Variants in WDR87 observed in about 807,000 individuals in gnomAD.
The protein encoded by WDR87 is WD repeat domain 87, also known as WD repeat-containing protein 87.
Under a neutral mutation model 83.3 loss-of-function variants are expected in WDR87, and 56 were observed. The ratio of observed to expected loss-of-function variants is 0.67; its 90% confidence interval spans 0.54 to 0.84. The LOEUF (loss-of-function observed/expected upper bound fraction) is 0.84, where lower values mean the gene tolerates loss of function less well. WDR87 is among the 40% of genes least tolerant of loss of function. The pLI is 0.00. For missense variants in WDR87, 2,939 were observed against 3,431.9 expected, an observed-to-expected ratio of 0.86 and a Z score of 3.59; for synonymous variants, 1,173 against 1,250.6, an observed-to-expected ratio of 0.94 and a Z score of 1.31.
Position 37,886,281 on chromosome 19 carries a change from T to C in WDR87, c.7390A>G (p.Ile2464Val). 1 of 1,551,742 alleles carries C rather than the reference T, an allele frequency of 6.4e-7. No homozygotes were observed. The highest frequency in any genetic ancestry group is 2.4e-5 in the East Asian group (1 of 40,926). ...ATTGTCCCTAAGAATTTCCTGGGTA[T>C]TTCAACTACTGTGGCCTTTTTATCT... ...WEDKKATVVE[I>V]PRKFLGTMDK... Residue 2464 changes from isoleucine to valine, a missense_variant, in exon 6 of 6, where the codon ATA becomes GTA. By Grantham distance (29) the Ile-to-Val change is conservative. Transcript: ENST00000447313.
rs753809159 is a variant in WDR87 at position 37,886,143 on chromosome 19, A to G, written c.7528T>C (p.Leu2510=). The change falls in exon 6 of 6, where the codon TTA becomes CTA. Residue 2510 remains leucine, a synonymous_variant. Coordinates refer to ENST00000447313, the MANE Select transcript of WDR87 (RefSeq NM_001291088.2). ...DLKTPFMSHI[L]RRTVEAEELQ... ...TCCTCAGCTTCCACGGTCCTCCTTAATATGTGGGACATAAATGGGGTCTTT... is the reference window on the plus strand; with the variant it reads ...TCCTCAGCTTCCACGGTCCTCCTTAGTATGTGGGACATAAATGGGGTCTTT... 2 of 1,551,552 alleles carry G rather than the reference A, an allele frequency of 1.3e-6. No individual in the cohort carries two copies. Among genetic ancestry groups the G allele is most frequent in the Non-Finnish European group, 1.7e-6 (2 of 1,146,988 alleles).
At chr19:37,903,866 C>T (rs2046306800) in intron 1 of WDR87, among the ~76,000 whole-genome samples, 1 of 152,068 alleles carries the variant, frequency 6.6e-6, no homozygotes, top group African/African-American at 2.4e-5. Flanking sequence ...ATTCTAACGA[C>T]TTAGCTATTA....
rs1431703805 is a variant in WDR87 at position 37,887,897 on chromosome 19, T to G, written c.5774A>C (p.Lys1925Thr). 3.9e-6 allele frequency: 6 copies of G among 1,551,686 alleles called. No individual in the cohort carries two copies. Among genetic ancestry groups the G allele is most frequent in the Non-Finnish European group, 5.2e-6 (6 of 1,146,948 alleles). The change falls in exon 6 of 6, where the codon AAG becomes ACG. Residue 1925 changes from lysine (K) to threonine (T), a missense_variant. By Grantham distance (78) the Lys-to-Thr change is moderately conservative. Around this residue, in one of 3 missense-constraint regions of WDR87, gnomAD observed 2,160 missense variants for 2,533.1 expected, o/e 0.85. Transcript: ENST00000447313. ...CTTCTCCTCTACCTGAGCCAGTATC[T>G]TGTTGAACATTCCCAATTTGTTCTT... ...QVKNKLGMFNKILAQVEEKLT... is the reference protein window; with the variant it reads ...QVKNKLGMFNTILAQVEEKLT...
Position 37,888,509 on chromosome 19 carries a change from T to C in WDR87, c.5162A>G (p.Lys1721Arg). Residue 1721 changes from lysine to arginine, a missense_variant, in exon 6 of 6, where the codon AAA becomes AGA. Physicochemically the swap from Lys to Arg is conservative, Grantham distance 26. Transcript: ENST00000447313. Reference protein sequence around the residue: ...VAREEEKLAKKGGKLAEVKNI... With the variant: ...VAREEEKLAKRGGKLAEVKNI... ...TTTCACCTCAGCCAGTTTCCCTCCT[T>C]TCTTTGCTAGTTTCTCTTCTTCTCT... The C allele has an allele frequency of 6.4e-7, 1 of 1,551,746 alleles. No homozygotes were observed. The highest frequency in any genetic ancestry group is 8.7e-7 in the Non-Finnish European group (1 of 1,146,994).
Position 37,889,059 on chromosome 19 carries a change from C to T in WDR87, c.4612G>A (p.Ala1538Thr). 6.4e-7 allele frequency: 1 copy of T among 1,552,088 alleles called. No homozygotes were observed. Among genetic ancestry groups the T allele is most frequent in the Non-Finnish European group, 8.7e-7 (1 of 1,147,090 alleles). ...TCCTCCGGGGATAGCTTCTCTCCAGCCTGATGTAGTTTCTCCTCTTCCTGA... is the reference window on the plus strand; with the variant it reads ...TCCTCCGGGGATAGCTTCTCTCCAGTCTGATGTAGTTTCTCCTCTTCCTGA... Reference protein sequence around the residue: ...LLQEEEKLHQAGEKLSPEEEM... With the variant: ...LLQEEEKLHQTGEKLSPEEEM... Residue 1538 changes from alanine (A) to threonine (T), a missense_variant, in exon 6 of 6, where the codon GCT becomes ACT. Around this residue, in one of 3 missense-constraint regions of WDR87, gnomAD observed 2,160 missense variants for 2,533.1 expected, o/e 0.85. Coordinates refer to ENST00000447313, the MANE Select transcript of WDR87 (RefSeq NM_001291088.2).
chr19:37,893,956 T>G lies in WDR87; in HGVS notation c.1747A>C (p.Lys583Gln). The change falls in exon 4 of 6, where the codon AAG (lysine) becomes CAG (glutamine). Residue 583 changes from lysine (K) to glutamine (Q), a missense_variant. Physicochemically the swap from Lys to Gln is moderately conservative, Grantham distance 53. Around this residue, in one of 3 missense-constraint regions of WDR87, gnomAD observed 553 missense variants for 577.9 expected, o/e 0.96. Coordinates refer to ENST00000447313, the MANE Select transcript of WDR87 (RefSeq NM_001291088.2). ...ITETNCLRLWKFHDFLSSGSQ... is the reference protein window; with the variant it reads ...ITETNCLRLWQFHDFLSSGSQ... ...CCAGAGGACAGAAAATCATGGAACT[T>G]CCAGAGACGCAGGCAGTTTGTCTCT... 6.4e-7 allele frequency: 1 copy of G among 1,551,820 alleles called. No homozygotes were observed. Among genetic ancestry groups the G allele is most frequent in the Non-Finnish European group, 8.7e-7 (1 of 1,147,012 alleles).
chr19:37,893,408 C>G lies in WDR87; in HGVS notation c.2295G>C (p.Met765Ile). 6.4e-7 allele frequency: 1 copy of G among 1,552,182 alleles called. No homozygotes were observed. The highest frequency in any genetic ancestry group is 8.7e-7 in the Non-Finnish European group (1 of 1,147,108). The stretch of plus-strand genomic sequence containing the variant: ...CTTCCATGTCCTGCAAAGAATAATG[C>G]ATGGAGGAACGCAGTAACACTGGGC... ...EGSPVLLRSS[M>I]HYSLQDMEDW... The change falls in exon 4 of 6, where the codon ATG (methionine) becomes ATC (isoleucine). Residue 765 changes from methionine (M) to isoleucine (I), a missense_variant. This residue lies in a region of WDR87 where 2,160 missense variants were observed against 2,533.1 expected (regional missense o/e 0.85). Coordinates refer to ENST00000447313, the MANE Select transcript of WDR87 (RefSeq NM_001291088.2).
chr19:37,886,976 A>G lies in WDR87; in HGVS notation c.6695T>C (p.Leu2232Pro). 1 of 1,551,970 alleles carries G rather than the reference A, an allele frequency of 6.4e-7. No individual in the cohort carries two copies. Among genetic ancestry groups the G allele is most frequent in the Non-Finnish European group, 8.7e-7 (1 of 1,147,086 alleles). ...GIEEEEVIPF[L>P]KRRWRKRKEA... Reference sequence around the variant, plus strand: ...TTTCCTCTTTCTCCACCTTCGTTTAAGGAATGGGATTACCTCTTCTTCTTC... The same window carrying G: ...TTTCCTCTTTCTCCACCTTCGTTTAGGGAATGGGATTACCTCTTCTTCTTC... The change falls in exon 6 of 6, where the codon CTT becomes CCT. Residue 2232 changes from leucine to proline, a missense_variant. Leu to Pro is a moderately conservative substitution (Grantham distance 98). Around this residue, in one of 3 missense-constraint regions of WDR87, gnomAD observed 2,160 missense variants for 2,533.1 expected, o/e 0.85. Transcript: ENST00000447313.
chr19:37,889,925 A>C lies in WDR87; in HGVS notation c.3746T>G (p.Val1249Gly), dbSNP rs2046189708. The C allele has an allele frequency of 1.3e-6, 2 of 1,551,494 alleles. No individual in the cohort carries two copies. Among genetic ancestry groups the C allele is most frequent in the African/African-American group, 2.7e-5 (2 of 72,994 alleles). The change falls in exon 6 of 6, where the codon GTA (valine) becomes GGA (glycine). Residue 1249 changes from valine (V) to glycine (G), a missense_variant. Val to Gly is a moderately radical substitution (Grantham distance 109). Around this residue, in one of 3 missense-constraint regions of WDR87, gnomAD observed 2,160 missense variants for 2,533.1 expected, o/e 0.85. Coordinates refer to ENST00000447313, the MANE Select transcript of WDR87 (RefSeq NM_001291088.2). ...KVINEETTPP[V>G]MEQPVTKKVK... Reference sequence around the variant, plus strand: ...CTTTTTAGTAACTGGCTGTTCCATTACAGGAGGTGTAGTTTCCTCATTTAT... The same window carrying C: ...CTTTTTAGTAACTGGCTGTTCCATTCCAGGAGGTGTAGTTTCCTCATTTAT...
At position 37,889,692 on chromosome 19, in the gene WDR87, G is replaced by C; in HGVS notation, c.3979C>G (p.Gln1327Glu). The change falls in exon 6 of 6, where the codon CAG becomes GAG. Residue 1327 changes from glutamine to glutamate, a missense_variant. Gln to Glu is a conservative substitution (Grantham distance 29). Around this residue, in one of 3 missense-constraint regions of WDR87, gnomAD observed 2,160 missense variants for 2,533.1 expected, o/e 0.85. Coordinates refer to ENST00000447313, the MANE Select transcript of WDR87 (RefSeq NM_001291088.2). ...TTCTTCAATAGGGGGCAGATCTCCTGAAAGAGTTCCCAGCTGGGGTGCCTA... is the reference window on the plus strand; with the variant it reads ...TTCTTCAATAGGGGGCAGATCTCCTCAAAGAGTTCCCAGCTGGGGTGCCTA... ...VDRHPSWELF[Q>E]EICPLLKKES... 2 of 1,551,718 alleles carry C rather than the reference G, an allele frequency of 1.3e-6. No homozygotes were observed. The highest frequency in any genetic ancestry group is 1.7e-6 in the Non-Finnish European group (2 of 1,147,022).
rs764226377 is a variant in WDR87, at chr19:37,894,613, C to T, written c.1090G>A (p.Ala364Thr). ...CAGACCCGACGCAACTGCTGGGGAG[C>T]AGAGCCACAGACATTGAAGAGGCTG... is the stretch of plus-strand genomic sequence containing the variant. The part of the protein sequence containing the change: ...FYSLFNVCGS[A>T]PQQLRRVCCG... The change falls in exon 4 of 6, where the codon GCT (alanine) becomes ACT (threonine). Residue 364 changes from alanine to threonine, a missense_variant. Physicochemically the swap from Ala to Thr is moderately conservative, Grantham distance 58. This residue lies in a region of WDR87 where 553 missense variants were observed against 577.9 expected (regional missense o/e 0.96). Transcript: ENST00000447313. 7.7e-6 allele frequency: 12 copies of T among 1,551,574 alleles called. No homozygotes were observed. The highest frequency in any genetic ancestry group is 1.7e-4 in the Middle Eastern group (1 of 6,014).
rs1161821315 is a variant in WDR87, at chr19:37,894,854, T to C, written c.849A>G (p.Gln283=). ...GGCTGCGGATACAGATCACTCCTGA[T>C]TGATGGGCCTGGAAACTGTGGAGTG... ...GHPLHSFQAH[Q]SGVICIRSRP... Residue 283 remains glutamine (Q), a synonymous_variant, in exon 4 of 6, where the codon CAA becomes CAG. Coordinates refer to ENST00000447313, the MANE Select transcript of WDR87 (RefSeq NM_001291088.2). The C allele has an allele frequency of 3.2e-6, 5 of 1,551,750 alleles. No homozygotes were observed. The Admixed American group carries it at 5.9e-5, about 18-fold the overall frequency.
At chr19:37,897,730 A>G (rs911396432) in intron 2 of WDR87, among the ~76,000 whole-genome samples, 3 of 151,902 alleles carry the variant, frequency 2.0e-5, no homozygotes, top group African/African-American at 7.2e-5. Flanking sequence ...CTAAAAATAC[A>G]AAAAATTAGC....
In WDR87 at chr19:37,888,479, A is replaced by G; in HGVS notation, c.5192T>C (p.Ile1731Thr). 3 of 1,551,034 alleles carry G rather than the reference A, an allele frequency of 1.9e-6. No individual in the cohort carries two copies. The South Asian group carries it at 3.6e-5, about 18-fold the overall frequency. ...CAGTTCTTCCACTTTCTGGGCCAATATGTTTTTCACCTCAGCCAGTTTCCC... is the reference window on the plus strand; with the variant it reads ...CAGTTCTTCCACTTTCTGGGCCAATGTGTTTTTCACCTCAGCCAGTTTCCC... Reference protein sequence around the residue: ...KGGKLAEVKNILAQKVEELPQ... With the variant: ...KGGKLAEVKNTLAQKVEELPQ... Residue 1731 changes from isoleucine to threonine, a missense_variant, in exon 6 of 6, where the codon ATA becomes ACA. By Grantham distance (89) the Ile-to-Thr change is moderately conservative. Coordinates refer to ENST00000447313, the MANE Select transcript of WDR87 (RefSeq NM_001291088.2).
In WDR87 at chr19:37,889,035, C is replaced by T. The variant is rs1170570071; in HGVS notation, c.4636G>A (p.Glu1546Lys). The T allele has an allele frequency of 4.5e-6, 7 of 1,551,964 alleles. No homozygotes were observed. Among genetic ancestry groups the T allele is most frequent in the South Asian group, 3.6e-5 (3 of 84,066 alleles). ...TTCTTGTCCTCCTGAAGCATTTCCT[C>T]CTCCGGGGATAGCTTCTCTCCAGCC... ...HQAGEKLSPEEEMLQEDKKLK... is the reference protein window; with the variant it reads ...HQAGEKLSPEKEMLQEDKKLK... The change falls in exon 6 of 6, where the codon GAG becomes AAG. Residue 1546 changes from glutamate (E) to lysine (K), a missense_variant. Glu to Lys is a moderately conservative substitution (Grantham distance 56). This residue lies in a region of WDR87 where 2,160 missense variants were observed against 2,533.1 expected (regional missense o/e 0.85). Coordinates refer to ENST00000447313, the MANE Select transcript of WDR87 (RefSeq NM_001291088.2).
At chr19:37,905,940 G>C (rs2046324799) in intron 1 of WDR87, among the ~76,000 whole-genome samples, 1 of 141,670 alleles carries the variant, frequency 7.1e-6, no homozygotes, top group East Asian at 1.9e-4. Context: ...GATTTCTCTT[G>C]TGTCTCCATA....
At position 37,888,316 on chromosome 19, in the gene WDR87, C is replaced by T. The variant is rs1258293229; in HGVS notation, c.5355G>A (p.Lys1785=). The part of the protein sequence containing the change: ...NQEEGKLVEE[K]KKLAEEEEAL... ...CCTCCTCTTCCTCAGCCAGTTTCTT[C>T]TTTTCCTCAACCAGTTTCCCCTCTT... The change falls in exon 6 of 6, where the codon AAG becomes AAA. Residue 1785 remains lysine (K), a synonymous_variant. Transcript: ENST00000447313. 1 of 1,551,490 alleles carries T rather than the reference C, an allele frequency of 6.4e-7. No homozygotes were observed. Among genetic ancestry groups the T allele is most frequent in the Admixed American group, 2.0e-5 (1 of 50,898 alleles).
Position 37,890,244 on chromosome 19 carries a change from T to C in WDR87, c.3427A>G (p.Lys1143Glu), listed in dbSNP as rs1254001257. 6.5e-7 allele frequency: 1 copy of C among 1,541,702 alleles called. No individual in the cohort carries two copies. Among genetic ancestry groups the C allele is most frequent in the East Asian group, 2.5e-5 (1 of 40,716 alleles). ...QKWLRGLKKT[K>E]ERDSKQMSTE... Reference sequence around the variant, plus strand: ...CTCATCTGTTTAGAGTCTCTCTCTTTCGTCTTCTTGAGACCCCGCAACCAT... The same window carrying C: ...CTCATCTGTTTAGAGTCTCTCTCTTCCGTCTTCTTGAGACCCCGCAACCAT... The change falls in exon 6 of 6, where the codon AAA becomes GAA. Residue 1143 changes from lysine to glutamate, a missense_variant. Transcript: ENST00000447313.
chr19:37,895,847 A>G (rs184219222), intron 3 of WDR87, among the ~76,000 whole-genome samples: 9 of 150,054 alleles, frequency 6.0e-5, no homozygotes, highest in Non-Finnish European at 1.3e-4. Flanking sequence ...CCCATGTTTT[A>G]TGTTAAGGAG....
Sources: allele counts gnomAD v4.1 joint callset (sites outside exome capture counted in the v4.1 genomes callset), GRCh38; gene constraint gnomAD v4.1.1; regional missense constraint gnomAD v4.1.1; transcripts MANE v1.5; gene names NCBI Gene and HGNC (gene_info 2026-07-23, HGNC 2026-07-21).